The following FAM107B variants were observed in gnomAD, a reference collection of about 807,000 sequenced individuals.
FAM107B encodes the protein protein FAM107B.
Under a neutral mutation model 31.5 loss-of-function variants are expected in FAM107B, and 21 were observed. The ratio of observed to expected loss-of-function variants is 0.67; its 90% CI spans 0.47 to 0.96. FAM107B has a LOEUF of 0.96. FAM107B is among the 40% of genes least tolerant of loss of function. FAM107B has a pLI of 0.00. For missense variants in FAM107B, 452 were observed against 377.1 expected, an observed-to-expected ratio of 1.20 and a Z score of -1.64; for synonymous variants, 157 against 141.5, an observed-to-expected ratio of 1.11 and a Z score of -0.78.
chr10:14,582,644 TG>T (rs1851678143), intron 2 of FAM107B, among the ~76,000 whole-genome samples: 1 of 151,234 alleles, frequency 6.6e-6, no homozygotes, highest in Non-Finnish European at 1.5e-5. Flanking sequence ...CCCAAAGAGC[TG>T]GGATTACAGG....
intron 1 of FAM107B, among the ~76,000 whole-genome samples, chr10:14,747,551 C>T (rs1437956141): frequency 2.0e-5 from 3 of 152,150 alleles, no homozygotes; most frequent in East Asian, 3.8e-4. Context: ...GGCCCCTCTT[C>T]CATAGGGTGG....
intron 2 of FAM107B, among the ~76,000 whole-genome samples, chr10:14,634,267 G>T (rs1181890238): frequency 6.6e-6 from 1 of 152,050 alleles, no homozygotes. Context: ...AGGCGTGGTG[G>T]CGGGTGCCTA....
At chr10:14,618,676 A>G (rs754201578) in intron 2 of FAM107B, among the ~76,000 whole-genome samples, 1 of 152,192 alleles carries the variant, frequency 6.6e-6, no homozygotes, top group African/African-American at 2.4e-5. Flanking sequence ...GTGTCTACTA[A>G]AAATACAAAC....
intron 2 of FAM107B, among the ~76,000 whole-genome samples, chr10:14,540,576 C>T (rs1345827601): frequency 6.6e-6 from 1 of 152,206 alleles, no homozygotes; most frequent in Non-Finnish European, 1.5e-5. Context: ...TCTGCCCACA[C>T]TTCCTCTTCC....
At chr10:14,729,156 C>T (rs1856106185) in intron 1 of FAM107B, among the ~76,000 whole-genome samples, 1 of 151,936 alleles carries the variant, frequency 6.6e-6, no homozygotes, top group African/African-American at 2.4e-5. Context: ...TCATACCTGG[C>T]TATTTTTTTT....
At position 14,764,956 on chromosome 10, in the gene FAM107B, C is replaced by T. The variant is rs77741789; in HGVS notation, c.411+9297G>A. On this transcript the variant is annotated intron_variant, in intron 1 of 4. Coordinates refer to ENST00000181796, the MANE Select transcript of FAM107B (RefSeq NM_031453.4). ...TTGGGTAGGCACTCTAGGCCACTGC[C>T]GATGAAGGACGTCAACCCTGAACTT... Among the ~76,000 whole-genome samples, 425 of 152,246 alleles carry T rather than the reference C, an allele frequency of 2.8e-3. 1 individual carries two copies. Among genetic ancestry groups the T allele is most frequent in the Non-Finnish European group, 5.2e-3 (353 of 68,012 alleles).
intron 1 of FAM107B, among the ~76,000 whole-genome samples, chr10:14,707,383 G>A (rs1855546906): frequency 7.1e-6 from 1 of 140,232 alleles, no homozygotes; most frequent in Non-Finnish European, 1.5e-5. Context: ...ACACAAAGAG[G>A]GACTGCATCA....
chr10:14,628,116 T>TTTTTTG (rs1365254721), intron 2 of FAM107B, among the ~76,000 whole-genome samples: 3 of 121,628 alleles, frequency 2.5e-5, no homozygotes, highest in Non-Finnish European at 1.7e-5. Flanking sequence ...TTGCTGGTTT[T>TTTTTTG]TTTTTTTTTT....
rs199711012 is a variant in FAM107B at position 14,745,147 on chromosome 10, TG to T, written c.411+29105del. On this transcript the variant is annotated intron_variant, in intron 1 of 4. Transcript: ENST00000181796. ...GTTTGCATTTCTGTGGGGTCAGTGG[TG>T]ATATCCCCTTTATCATTTTTTATTG... Among the ~76,000 whole-genome samples, 4 of 152,316 alleles carry T rather than the reference TG, an allele frequency of 2.6e-5. No homozygotes were observed. In the East Asian group the frequency reaches 7.7e-4, roughly 29 times the overall value.
intron 1 of FAM107B, among the ~76,000 whole-genome samples, chr10:14,771,784 T>A (rs1833308446): frequency 6.6e-6 from 1 of 152,224 alleles, no homozygotes; most frequent in Non-Finnish European, 1.5e-5. Flanking sequence ...TCCAAAGCTC[T>A]GGGTGACAGG....
At chr10:14,622,789 G>T (rs1042917051) in intron 2 of FAM107B, among the ~76,000 whole-genome samples, 10 of 152,148 alleles carry the variant, frequency 6.6e-5, no homozygotes, top group African/African-American at 2.4e-4. Context: ...AACATATGTT[G>T]AGCATTTGTG....
intron 2 of FAM107B, among the ~76,000 whole-genome samples, chr10:14,616,426 T>A (rs1852851591): frequency 6.6e-6 from 1 of 152,260 alleles, no homozygotes; most frequent in African/African-American, 2.4e-5. Flanking sequence ...ATTAATGAGG[T>A]TGAAAATGAA....
At chr10:14,696,571 T>A (rs1371303007) in intron 1 of FAM107B, among the ~76,000 whole-genome samples, 2 of 152,112 alleles carry the variant, frequency 1.3e-5, no homozygotes, top group Admixed American at 1.3e-4. Flanking sequence ...ACTTAAGAAG[T>A]ATTGGTATAA....
At chr10:14,530,583 C>G (rs1175842338) in intron 2 of FAM107B, 68 bp from the exon 3 acceptor site, 1 of 1,463,440 alleles carries the variant, frequency 6.8e-7, no homozygotes, top group Non-Finnish European at 9.4e-7. Flanking sequence ...CATGCAGAGG[C>G]CCACAGAGCT....
At chr10:14,548,543 T>C (rs12767252) in intron 2 of FAM107B, 517,117 of 985,126 alleles carry the variant, frequency 0.52, 136,501 homozygotes, top group South Asian at 0.64. Context: ...AGGAGGAACC[T>C]GGGCTCTTCT....
intron 1 of FAM107B, among the ~76,000 whole-genome samples, chr10:14,685,803 A>C (rs12359573): frequency 0.14 from 21,396 of 152,172 alleles, 1,805 homozygotes; most frequent in South Asian, 0.28. Flanking sequence ...TGATAAAGAC[A>C]TACCCAAGAC....
chr10:14,573,799 C>A (rs897564571), intron 2 of FAM107B, among the ~76,000 whole-genome samples: 14 of 152,074 alleles, frequency 9.2e-5, no homozygotes, highest in Non-Finnish European at 1.9e-4. Flanking sequence ...TATTCCACTA[C>A]GGCAGCATAG....
intron 1 of FAM107B, among the ~76,000 whole-genome samples, chr10:14,745,906 G>T (rs149248014): frequency 5.9e-5 from 9 of 152,284 alleles, no homozygotes; most frequent in African/African-American, 2.2e-4. Flanking sequence ...GGGTGTTAAA[G>T]TGTCCCATTA....
intron 3 of FAM107B, among the ~76,000 whole-genome samples, chr10:14,525,239 A>C (rs1846098738): frequency 6.6e-6 from 1 of 152,184 alleles, no homozygotes; most frequent in African/African-American, 2.4e-5. Flanking sequence ...GGTTCTCTTT[A>C]ATCAATTCTG....
Sources: allele counts gnomAD v4.1 joint callset (sites outside exome capture counted in the v4.1 genomes callset), GRCh38; gene constraint gnomAD v4.1.1; transcripts MANE v1.5; gene names NCBI Gene and HGNC (gene_info 2026-07-23, HGNC 2026-07-21).